NPAS3: variants seen among roughly 807,000 people sequenced by gnomAD.
NPAS3 encodes neuronal PAS domain protein 3, also known as neuronal PAS domain-containing protein 3.
NPAS3 carries 14 observed loss-of-function variants against 73.1 expected under a neutral mutation model. The ratio of observed to expected loss-of-function variants is 0.19; its 90% confidence interval spans 0.13 to 0.30. NPAS3 has a LOEUF of 0.30. NPAS3 is among the 10% of genes least tolerant of loss of function. The pLI is 1.00. For synonymous variants in NPAS3, 620 were observed against 541.5 expected, an observed-to-expected ratio of 1.14 and a Z score of -2.01; for missense variants, 1,096 against 1,250.0, an observed-to-expected ratio of 0.88 and a Z score of 1.86.
intron 4 of NPAS3, among the ~76,000 whole-genome samples, chr14:33,455,421 C>A (rs1358252659): frequency 6.6e-6 from 1 of 152,192 alleles, no homozygotes; most frequent in East Asian, 1.9e-4. Flanking sequence ...CTTTGCAGAG[C>A]ACTCACATGT....
intron 5 of NPAS3, among the ~76,000 whole-genome samples, chr14:33,607,574 T>C (rs1209485279): frequency 6.6e-6 from 1 of 152,174 alleles, no homozygotes; most frequent in Non-Finnish European, 1.5e-5. Flanking sequence ...GAGACTTTTG[T>C]TCATTGTTTG....
chr14:32,935,033 GC>G (rs1357469353), upstream of NPAS3: 6 of 1,254,190 alleles, frequency 4.8e-6, no homozygotes, highest in Admixed American at 3.6e-5. Context: ...CTGGGATAGT[GC>G]CCCCGCCCCG....
intron 3 of NPAS3, among the ~76,000 whole-genome samples, chr14:33,307,692 G>A (rs543051139): frequency 5.3e-5 from 8 of 150,702 alleles, no homozygotes; most frequent in African/African-American, 1.9e-4. Context: ...TCTGTTACAA[G>A]TTCCTAGTTT....
chr14:33,313,977 G>C (rs981879275), intron 3 of NPAS3, among the ~76,000 whole-genome samples: 1 of 151,914 alleles, frequency 6.6e-6, no homozygotes, highest in Non-Finnish European at 1.5e-5. Context: ...AATGTACATA[G>C]CCTAGGTATG....
chr14:33,289,228 T>A (rs74557784), intron 3 of NPAS3, among the ~76,000 whole-genome samples: 1 of 152,202 alleles, frequency 6.6e-6, no homozygotes, highest in Admixed American at 6.5e-5. Flanking sequence ...TGAAAACATG[T>A]GCCTCGTAAG....
chr14:33,784,409 G>A (rs2063078289), intron 9 of NPAS3, among the ~76,000 whole-genome samples: 1 of 152,226 alleles, frequency 6.6e-6, no homozygotes, highest in Non-Finnish European at 1.5e-5. Context: ...CTGTTAAGAT[G>A]TGCAGACAAA....
At chr14:33,189,863 T>A (rs1179855496) in intron 2 of NPAS3, among the ~76,000 whole-genome samples, 1 of 152,184 alleles carries the variant, frequency 6.6e-6, no homozygotes, top group Non-Finnish European at 1.5e-5. Flanking sequence ...CAAATGCAAC[T>A]TTTTCATTAT....
intron 2 of NPAS3, among the ~76,000 whole-genome samples, chr14:33,124,548 A>G (rs1317112804): frequency 6.6e-6 from 1 of 152,148 alleles, no homozygotes; most frequent in Non-Finnish European, 1.5e-5. Flanking sequence ...GCATGTCAGT[A>G]CTAGATATTT....
At chr14:33,727,313 AT>A (rs2061295088) in intron 6 of NPAS3, among the ~76,000 whole-genome samples, 1 of 152,150 alleles carries the variant, frequency 6.6e-6, no homozygotes, top group African/African-American at 2.4e-5. Flanking sequence ...CCTCTTTGGG[AT>A]TCTAATTTTA....
intron 4 of NPAS3, among the ~76,000 whole-genome samples, chr14:33,441,448 C>G (rs536972642): frequency 6.6e-6 from 1 of 152,294 alleles, no homozygotes; most frequent in African/African-American, 2.4e-5. Flanking sequence ...GTTAACATTA[C>G]TTTTCAATAG....
At chr14:33,055,924 C>A in exon 2 of NPAS3, 1 of 810,310 alleles carries the variant, frequency 1.2e-6, no homozygotes, top group Non-Finnish European at 2.1e-6. Context: ...CCAGCATCCT[C>A]TGCCCAACCA....
intron 1 of NPAS3, among the ~76,000 whole-genome samples, chr14:32,989,534 C>A (rs890403257): frequency 1.3e-5 from 2 of 152,044 alleles, no homozygotes; most frequent in Non-Finnish European, 2.9e-5. Context: ...GTCCCAGCTA[C>A]GCGGCAGGCT....
downstream of NPAS3, chr14:33,803,007 G>A (rs557762221): frequency 7.2e-5 from 11 of 152,118 alleles, no homozygotes; most frequent in East Asian, 1.9e-4. Flanking sequence ...TTCCCACAAC[G>A]GAATTCTGGG....
chr14:33,155,581 T>C (rs1380380026), intron 2 of NPAS3, among the ~76,000 whole-genome samples: 2 of 152,206 alleles, frequency 1.3e-5, no homozygotes, highest in African/African-American at 2.4e-5. Context: ...AGAGATTATA[T>C]ACAATGCACT....
intron 3 of NPAS3, among the ~76,000 whole-genome samples, chr14:33,362,977 T>C (rs1262738928): frequency 1.3e-5 from 2 of 152,076 alleles, no homozygotes; most frequent in Non-Finnish European, 2.9e-5. Context: ...ACCTTCCCAC[T>C]GTGAACCATG....
Position 33,589,892 on chromosome 14 carries a change from T to C in NPAS3, c.558+29682T>C, listed in dbSNP as rs143626689. On this transcript the variant is annotated intron_variant, in intron 5 of 11. Transcript: ENST00000356141. The stretch of plus-strand genomic sequence containing the variant: ...TTTTGTTGAGATGCAGATAAAGAAT[T>C]TGTAGAAGCAAGGAGCACTTTTCAT... Among the ~76,000 whole-genome samples, 100 of 152,270 alleles carry C rather than the reference T, an allele frequency of 6.6e-4. No individual in the cohort carries two copies. In the Middle Eastern group the frequency reaches 0.01, roughly 16 times the overall value.
intron 4 of NPAS3, among the ~76,000 whole-genome samples, chr14:33,473,945 G>A (rs2050904135): frequency 6.6e-6 from 1 of 152,092 alleles, no homozygotes; most frequent in Non-Finnish European, 1.5e-5. Context: ...ACAAAAAGTT[G>A]GTCAACACCT....
At chr14:33,574,471 C>T (rs1402925321) in intron 5 of NPAS3, among the ~76,000 whole-genome samples, 2 of 152,114 alleles carry the variant, frequency 1.3e-5, no homozygotes, top group Admixed American at 6.5e-5. Context: ...GGCTAGCGCC[C>T]ATGAAGGCTG....
At chr14:33,644,352 G>A (rs1420896099) in intron 5 of NPAS3, among the ~76,000 whole-genome samples, 1 of 152,150 alleles carries the variant, frequency 6.6e-6, no homozygotes, top group African/African-American at 2.4e-5. Context: ...TTTGGCAGGG[G>A]CACTACACAC....
Sources: allele counts gnomAD v4.1 joint callset (sites outside exome capture counted in the v4.1 genomes callset), GRCh38; gene constraint gnomAD v4.1.1; transcripts MANE v1.5; gene names NCBI Gene and HGNC (gene_info 2026-07-23, HGNC 2026-07-21).